Variants in RASA1 observed in about 807,000 individuals in gnomAD.
RASA1 encodes the protein RAS p21 protein activator 1.
A neutral mutation model predicts 132.2 loss-of-function variants in RASA1; 25 were observed. The ratio of observed to expected loss-of-function variants is 0.19; its 90% CI spans 0.14 to 0.26. RASA1 has a LOEUF of 0.26. Ranked by LOEUF, RASA1 falls within the 10% of genes least tolerant of loss-of-function variation. RASA1 has a pLI of 1.00. For missense variants in RASA1, 964 were observed against 1,299.2 expected, an observed-to-expected ratio of 0.74 and a Z score of 3.97; for synonymous variants, 477 against 449.9, an observed-to-expected ratio of 1.06 and a Z score of -0.76.
At chr5:87,344,678 ATTTTTTTT>A (rs113174684) in intron 6 of RASA1, among the ~76,000 whole-genome samples, 2,816 of 131,222 alleles carry the variant, frequency 0.021, 44 homozygotes, top group Non-Finnish European at 0.031. Flanking sequence ...AAATGTTGTA[ATTTTTTTT>A]TTTTTTTTTT....
chr5:87,383,357 A>AT (rs1444699292), intron 20 of RASA1, among the ~76,000 whole-genome samples: 2 of 152,148 alleles, frequency 1.3e-5, no homozygotes, highest in African/African-American at 4.8e-5. Flanking sequence ...AATTCTTAAG[A>AT]TTCCTGAGGA....
chr5:87,359,076 A>G (rs1759875371), intron 9 of RASA1, among the ~76,000 whole-genome samples: 1 of 152,204 alleles, frequency 6.6e-6, no homozygotes, highest in Admixed American at 6.5e-5. Flanking sequence ...TTAGAATACA[A>G]GTTCCATGAG....
intron 19 of RASA1, 42 bp downstream of exon 19, chr5:87,379,892 A>C (rs140502802): frequency 6.3e-7 from 1 of 1,579,654 alleles, no homozygotes; most frequent in Non-Finnish European, 8.7e-7. Flanking sequence ...TTGTGTATCT[A>C]TGTCTTCAGA....
intron 22 of RASA1, 141 bp from the exon 23 acceptor site, chr5:87,386,685 C>CAT (rs924774600): frequency 5.0e-5 from 35 of 695,128 alleles, no homozygotes; most frequent in African/African-American, 4.8e-4. Context: ...AGTATTGCTA[C>CAT]ATGTATGGGT....
At chr5:87,359,875 T>TA (rs1759940626) in intron 9 of RASA1, among the ~76,000 whole-genome samples, 1 of 152,152 alleles carries the variant, frequency 6.6e-6, no homozygotes, top group Non-Finnish European at 1.5e-5. Flanking sequence ...TCTAGAAAGG[T>TA]TTACGTACCT....
At chr5:87,378,329 A>T in intron 17 of RASA1, 67 bp from the exon 18 acceptor site, 1 of 1,556,846 alleles carries the variant, frequency 6.4e-7, no homozygotes, top group Non-Finnish European at 8.9e-7. Flanking sequence ...GAATTCACTT[A>T]ATTTCCAATT....
rs994939185 is a variant in RASA1 at position 87,391,199 on chromosome 5, T to C, written c.*316T>C. 2.2e-6 allele frequency: 1 copy of C among 462,790 alleles called. No individual in the cohort carries two copies. The allele number at this position is 462,790 out of a possible 1,614,324, so 28.7% of individuals were successfully genotyped here. A position where few individuals can be genotyped will look rare whatever the true frequency, so the allele number is the denominator to read the frequency against. ...CTTGATATCTCGAACTTTCAAAATA[T>C]ATTTTCAGTACACCCAGTTGCCAAA... On this transcript the variant is annotated 3_prime_UTR_variant, in exon 25 of 25. Transcript: ENST00000274376.
At chr5:87,379,534 A>C (rs558276633) in intron 18 of RASA1, among the ~76,000 whole-genome samples, 45 of 152,336 alleles carry the variant, frequency 3.0e-4, no homozygotes, top group African/African-American at 1.0e-3. Flanking sequence ...GCTAATTGGG[A>C]ATAAATGGTA....
Position 87,378,459 on chromosome 5 carries a change from A to G in RASA1, c.2408A>G (p.Lys803Arg). The G allele has an allele frequency of 6.2e-7, 1 of 1,612,012 alleles. No individual in the cohort carries two copies. The highest frequency in any genetic ancestry group is 8.5e-7 in the Non-Finnish European group (1 of 1,178,120). ...AGCACCTTGATGGAGCAGTATATGA[A>G]AGCCACTGCTACACAGTTTGTTCAT... ...LASTLMEQYM[K>R]ATATQFVHHA... is the part of the protein sequence containing the mutation. Residue 803 changes from lysine (K) to arginine (R), a missense_variant, in exon 18 of 25, where the codon AAA (lysine) becomes AGA (arginine). Transcript: ENST00000274376.
chr5:87,352,641 T>G (rs1011996939), intron 8 of RASA1, among the ~76,000 whole-genome samples: 3 of 151,876 alleles, frequency 2.0e-5, no homozygotes, highest in Non-Finnish European at 4.4e-5. Flanking sequence ...TAATCCTACA[T>G]GTAAGATTAG....
chr5:87,299,811 T>G (rs537966110), intron 1 of RASA1: 2 of 152,328 alleles, frequency 1.3e-5, no homozygotes, highest in East Asian at 3.9e-4. Context: ...ATATGGTTCT[T>G]ACAAAGAAGG....
chr5:87,299,694 T>C (rs992382162), intron 1 of RASA1: 6 of 152,120 alleles, frequency 3.9e-5, no homozygotes, highest in African/African-American at 1.4e-4. Context: ...CTAAAAAATA[T>C]GGAATGCTTC....
chr5:87,385,261 T>C lies in RASA1; in HGVS notation c.2759-40T>C, dbSNP rs148336847. The C allele has an allele frequency of 1.3e-4, 172 of 1,280,564 alleles. 2 individuals carry two copies. The African/African-American group carries it at 2.1e-3, about 16-fold the overall frequency. The allele number at this position is 1,280,564 out of a possible 1,614,324, so 79.3% of individuals were successfully genotyped here. A position where few individuals can be genotyped will look rare whatever the true frequency, so the allele number is the denominator to read the frequency against. ...TATAATGGTTTAGCTGGAAGTGCTG[T>C]TGGACTTGGTGTCATTAGCTGTGCC... On this transcript the variant is annotated intron_variant, in intron 21 of 24. Transcript: ENST00000274376.
At chr5:87,313,359 A>G (rs1208607108) in intron 1 of RASA1, among the ~76,000 whole-genome samples, 2 of 152,180 alleles carry the variant, frequency 1.3e-5, no homozygotes, top group African/African-American at 2.4e-5. Flanking sequence ...GGACAATGCA[A>G]ATAGTTTGGA....
chr5:87,360,576 T>G (rs888328977), intron 9 of RASA1, among the ~76,000 whole-genome samples: 1 of 152,228 alleles, frequency 6.6e-6, no homozygotes, highest in African/African-American at 2.4e-5. Flanking sequence ...TCTATATGTT[T>G]ACTTTCAGTA....
chr5:87,340,419 G>GTT (rs967149949), intron 5 of RASA1, among the ~76,000 whole-genome samples: 1 of 146,128 alleles, frequency 6.8e-6, no homozygotes, highest in South Asian at 2.2e-4. Flanking sequence ...CATTTTTATA[G>GTT]TTTTTTTTTT....
At chr5:87,375,105 C>A (rs1427983602) in intron 15 of RASA1, among the ~76,000 whole-genome samples, 189 bp downstream of exon 15, 1 of 151,908 alleles carries the variant, frequency 6.6e-6, no homozygotes, top group Non-Finnish European at 1.5e-5. Context: ...AGAAAAAGAC[C>A]AATATGGTTC....
intron 1 of RASA1, among the ~76,000 whole-genome samples, chr5:87,314,236 T>C (rs1273699573): frequency 1.3e-5 from 2 of 152,104 alleles, no homozygotes; most frequent in Non-Finnish European, 2.9e-5. Flanking sequence ...GTTTAAGAAA[T>C]GACAGGTAGT....
At chr5:87,388,928 C>T (rs1034690971) in intron 23 of RASA1, among the ~76,000 whole-genome samples, 2 of 152,118 alleles carry the variant, frequency 1.3e-5, no homozygotes, top group African/African-American at 4.8e-5. Flanking sequence ...CCACACCCCC[C>T]ACCCCTTATT....
Sources: allele counts gnomAD v4.1 joint callset (sites outside exome capture counted in the v4.1 genomes callset), GRCh38; gene constraint gnomAD v4.1.1; transcripts MANE v1.5; gene names NCBI Gene and HGNC (gene_info 2026-07-23, HGNC 2026-07-21).